COMMD1: variants seen among roughly 807,000 people sequenced by gnomAD.
The protein encoded by COMMD1 is COMM domain-containing protein 1.
A neutral mutation model predicts 17.2 loss-of-function variants in COMMD1; 10 were observed. The ratio of observed to expected loss-of-function variants is 0.58; its 90% CI spans 0.36 to 0.99. The LOEUF (loss-of-function observed/expected upper bound fraction) is 0.99. COMMD1 is among the 50% of genes least tolerant of loss of function. The pLI is 0.01. For synonymous variants in COMMD1, 97 were observed against 91.6 expected, an observed-to-expected ratio of 1.06 and a Z score of -0.34; for missense variants, 270 against 231.8, an observed-to-expected ratio of 1.17 and a Z score of -1.07.
At chr2:61,953,371 C>CTTTTTTTTTTTT (rs58439320) in intron 1 of COMMD1, among the ~76,000 whole-genome samples, 1 of 127,112 alleles carries the variant, frequency 7.9e-6, no homozygotes, top group African/African-American at 2.9e-5. Context: ...TTTTTCTTTT[C>CTTTTTTTTTTTT]TTTTTTTTTT....
At chr2:61,988,952 T>C (rs113596664) in intron 1 of COMMD1, among the ~76,000 whole-genome samples, 1 of 152,278 alleles carries the variant, frequency 6.6e-6, no homozygotes, top group African/African-American at 2.4e-5. Context: ...AGTCCCACAA[T>C]TGCTGCACTC....
At chr2:61,919,558 T>G (rs1670134818) in intron 1 of COMMD1, among the ~76,000 whole-genome samples, 1 of 150,844 alleles carries the variant, frequency 6.6e-6, no homozygotes, top group African/African-American at 2.4e-5. Flanking sequence ...TTTTTTTTTT[T>G]CATTGAGTAG....
intron 1 of COMMD1, among the ~76,000 whole-genome samples, chr2:61,918,133 A>G (rs1401705660): frequency 6.6e-6 from 1 of 152,238 alleles, no homozygotes; most frequent in African/African-American, 2.4e-5. Context: ...TCTAGTTCAG[A>G]AAATGCTCAA....
chr2:61,995,333 A>C (rs1457095198), intron 1 of COMMD1, among the ~76,000 whole-genome samples: 1 of 152,104 alleles, frequency 6.6e-6, no homozygotes, highest in Non-Finnish European at 1.5e-5. Flanking sequence ...ATATATAACA[A>C]TGTCTAAACT....
At chr2:61,941,595 A>T (rs1295634558) in intron 1 of COMMD1, among the ~76,000 whole-genome samples, 1 of 152,206 alleles carries the variant, frequency 6.6e-6, no homozygotes, top group Non-Finnish European at 1.5e-5. Flanking sequence ...GGAGAGCAGG[A>T]AGTCCCGTTC....
intron 1 of COMMD1, among the ~76,000 whole-genome samples, chr2:61,998,962 A>G (rs539164802): frequency 6.6e-6 from 1 of 152,326 alleles, no homozygotes; most frequent in African/African-American, 2.4e-5. Context: ...CACTAGTAAC[A>G]TTGAAGATCT....
At chr2:61,946,739 A>G (rs191679199) in intron 1 of COMMD1, among the ~76,000 whole-genome samples, 2 of 152,320 alleles carry the variant, frequency 1.3e-5, no homozygotes, top group Admixed American at 1.3e-4. Context: ...GCTCGACCAT[A>G]TAAAATACTA....
intron 1 of COMMD1, among the ~76,000 whole-genome samples, chr2:61,924,045 G>A (rs1428804129): frequency 6.6e-6 from 1 of 152,150 alleles, no homozygotes; most frequent in Non-Finnish European, 1.5e-5. Context: ...CCAAAGTGCT[G>A]GGATTACAGG....
Position 61,893,480 on chromosome 2 carries a change from A to C in COMMD1, n.119+4638A>C, listed in dbSNP as rs899366849. 8.6e-5 allele frequency among the ~76,000 whole-genome samples: 13 copies of C among 151,650 alleles called. 1 individual carries two copies. The highest frequency in any genetic ancestry group is 3.2e-4 in the African/African-American group (13 of 40,900). On this transcript the variant is annotated intron_variant and non_coding_transcript_variant, in intron 1 of 2. Coordinates refer to the COMMD1 transcript ENST00000472729. ...GAGTAAACAGCCAGGTTTTCTATCG[A>C]AAAACAGGAATGAACTAAACTTTCA...
rs372061058 is a variant in COMMD1, at chr2:61,984,826, G to A, written c.181-15875G>A. On this transcript the variant is annotated intron_variant, in intron 1 of 2. Coordinates refer to ENST00000311832, the MANE Select transcript of COMMD1 (RefSeq NM_152516.4). The stretch of plus-strand genomic sequence containing the variant: ...TAATAATATTTGCTTTATATATCTG[G>A]GTGCTCTAGTGTCAGTGCATATATA... Among the ~76,000 whole-genome samples, 247 of 151,880 alleles carry A rather than the reference G, an allele frequency of 1.6e-3. 2 individuals carry two copies. The highest frequency in any genetic ancestry group is 5.6e-3 in the African/African-American group (232 of 41,456).
Position 62,063,899 on chromosome 2 carries a change from T to TATATATATATA in COMMD1, c.462+62918_462+62919insTATATATATAA, listed in dbSNP as rs1558583258. 1.6e-4 allele frequency among the ~76,000 whole-genome samples: 7 copies of TATATATATATA among 44,200 alleles called. 1 individual carries two copies. Among genetic ancestry groups the TATATATATATA allele is most frequent in the African/African-American group, 4.9e-4 (5 of 10,274 alleles). The allele number at this position is 44,200 out of a possible 152,430, so 29.0% of individuals were successfully genotyped here. On this transcript the variant is annotated intron_variant, in intron 2 of 2. Coordinates refer to ENST00000311832, the MANE Select transcript of COMMD1 (RefSeq NM_152516.4). Reference sequence around the variant, plus strand: ...TATATATATATATATATATATATATTAGCCAGGCATGGTGGCATATGTCTG... The same window carrying TATATATATATA: ...TATATATATATATATATATATATATTATATATATATAAGCCAGGCATGGTGGCATATGTCTG...
At chr2:62,059,983 A>C (rs190263117) in intron 2 of COMMD1, among the ~76,000 whole-genome samples, 1 of 151,968 alleles carries the variant, frequency 6.6e-6, no homozygotes, top group Admixed American at 6.6e-5. Flanking sequence ...TTGGGTTTTT[A>C]GCTACATCTT....
chr2:61,961,687 A>G (rs1391338572), intron 1 of COMMD1, among the ~76,000 whole-genome samples: 2 of 151,302 alleles, frequency 1.3e-5, no homozygotes, highest in South Asian at 2.1e-4. Context: ...TCATGGTTGG[A>G]CCTTCTTGCT....
At chr2:62,049,692 G>A (rs1670485900) in intron 2 of COMMD1, among the ~76,000 whole-genome samples, 1 of 152,166 alleles carries the variant, frequency 6.6e-6, no homozygotes, top group African/African-American at 2.4e-5. Flanking sequence ...AGGTATTCCA[G>A]TACTGCAATA....
chr2:61,939,266 A>T (rs2103630402), intron 1 of COMMD1, among the ~76,000 whole-genome samples: 1 of 150,962 alleles, frequency 6.6e-6, no homozygotes, highest in South Asian at 2.1e-4. Flanking sequence ...ACCCTGGCTA[A>T]CACGGTGAAA....
intron 2 of COMMD1, among the ~76,000 whole-genome samples, chr2:62,057,557 G>A (rs370926387): frequency 3.3e-5 from 5 of 151,898 alleles, no homozygotes; most frequent in East Asian, 1.9e-4. Flanking sequence ...GTTGCATTTC[G>A]TCATTCAGTT....
At chr2:62,026,868 A>G (rs1055818318) in intron 2 of COMMD1, among the ~76,000 whole-genome samples, 2 of 152,232 alleles carry the variant, frequency 1.3e-5, no homozygotes, top group African/African-American at 2.4e-5. Context: ...GTGTATAAAC[A>G]TATGTATATG....
At chr2:61,931,545 C>T (rs1670468077) in intron 1 of COMMD1, among the ~76,000 whole-genome samples, 1 of 152,242 alleles carries the variant, frequency 6.6e-6, no homozygotes, top group Non-Finnish European at 1.5e-5. Context: ...TAGCCTTATT[C>T]TTGCTGCTTT....
At chr2:61,943,884 T>G (rs1670835721) in intron 1 of COMMD1, among the ~76,000 whole-genome samples, 2 of 152,052 alleles carry the variant, frequency 1.3e-5, no homozygotes, top group South Asian at 4.1e-4. Flanking sequence ...CCTGTATGCA[T>G]TTCCTGGACA....
Sources: allele counts gnomAD v4.1 joint callset (sites outside exome capture counted in the v4.1 genomes callset), GRCh38; gene constraint gnomAD v4.1.1; transcripts MANE v1.5; gene names NCBI Gene and HGNC (gene_info 2026-07-23, HGNC 2026-07-21).